The following RGS17 variants were observed in gnomAD, a reference collection of about 807,000 sequenced individuals.
RGS17 encodes the protein regulator of G-protein signaling 17.
RGS17 carries 12 observed loss-of-function variants against 25.5 expected under a neutral mutation model. The ratio of observed to expected loss-of-function variants is 0.47; its 90% CI spans 0.30 to 0.76. The LOEUF (loss-of-function observed/expected upper bound fraction) is 0.76. Among genes scored for constraint, RGS17 ranks in the 30% least tolerant of loss-of-function variants. The pLI is 0.07. For synonymous variants in RGS17, 71 were observed against 76.9 expected (o/e 0.92, Z 0.40); for missense variants, 196 against 242.2 (o/e 0.81, Z 1.27).
intron 1 of RGS17, among the ~76,000 whole-genome samples, chr6:153,063,496 T>G (rs1335374155): frequency 6.6e-6 from 1 of 151,994 alleles, no homozygotes; most frequent in Non-Finnish European, 1.5e-5. Flanking sequence ...AAGAAAGAAT[T>G]AATGAACTTG....
chr6:153,118,713 G>T (rs1480803274), intron 1 of RGS17, among the ~76,000 whole-genome samples: 1 of 148,554 alleles, frequency 6.7e-6, no homozygotes, highest in African/African-American at 2.5e-5. Context: ...TTTGGAAATA[G>T]ATGATGTATA....
chr6:153,068,596 T>C, intron 1 of RGS17, among the ~76,000 whole-genome samples: 1 of 152,026 alleles, frequency 6.6e-6, no homozygotes, highest in South Asian at 2.1e-4. Context: ...GCAAAAATAG[T>C]CAAGAGGGAT....
intron 2 of RGS17, among the ~76,000 whole-genome samples, chr6:153,037,487 G>A (rs954244438): frequency 3.3e-5 from 5 of 150,520 alleles, no homozygotes; most frequent in Admixed American, 6.6e-5. Flanking sequence ...GTGCAGTGGC[G>A]CAATCTTGGC....
chr6:153,099,723 A>G lies in RGS17; in HGVS notation c.-26+31401T>C, dbSNP rs180702483. On this transcript the variant is annotated intron_variant, in intron 1 of 4. Coordinates refer to ENST00000206262, the MANE Select transcript of RGS17 (RefSeq NM_012419.5). ...GCACCATTCATTAGTTCAGTAACTA[A>G]GCGTAAGCAGATTACCTAAATTCTC... is the stretch of plus-strand genomic sequence containing the variant. 3.9e-5 allele frequency among the ~76,000 whole-genome samples: 6 copies of G among 152,308 alleles called. No homozygotes were observed. In the East Asian group the frequency reaches 9.7e-4, roughly 25 times the overall value.
intron 4 of RGS17, among the ~76,000 whole-genome samples, chr6:153,014,196 C>T (rs956620995): frequency 3.9e-5 from 6 of 152,082 alleles, no homozygotes; most frequent in South Asian, 2.1e-4. Flanking sequence ...AATCCTAGAG[C>T]CCTTAAGAAT....
chr6:153,065,246 A>T (rs1403530471), intron 1 of RGS17, among the ~76,000 whole-genome samples: 9 of 152,232 alleles, frequency 5.9e-5, no homozygotes, highest in Admixed American at 2.0e-4. Flanking sequence ...ACAAGAGGAT[A>T]TAACAATTTT....
At chr6:153,067,073 T>C (rs904822371) in intron 1 of RGS17, among the ~76,000 whole-genome samples, 2 of 150,026 alleles carry the variant, frequency 1.3e-5, no homozygotes, top group Admixed American at 6.7e-5. Flanking sequence ...AACATGTCAA[T>C]TGATGCTGAA....
chr6:153,092,275 A>T lies in RGS17; in HGVS notation c.-26+38849T>A, dbSNP rs536002535. Among the ~76,000 whole-genome samples, 21 of 152,334 alleles carry T rather than the reference A, an allele frequency of 1.4e-4. No homozygotes were observed. In the South Asian group the frequency reaches 3.7e-3, roughly 27 times the overall value. On this transcript the variant is annotated intron_variant, in intron 1 of 4. Coordinates refer to ENST00000206262, the MANE Select transcript of RGS17 (RefSeq NM_012419.5). ...CTGTATAAAATGCTGTCATGTTGAT[A>T]TATCTAAACACCAAGGTACAAATTT... is the stretch of plus-strand genomic sequence containing the variant.
rs1429346921 is a variant in RGS17 at position 153,007,475 on chromosome 6, C to A, written c.*4099G>T. 4 of 152,036 alleles carry A rather than the reference C, an allele frequency of 2.6e-5. No individual in the cohort carries two copies. Among genetic ancestry groups the A allele is most frequent in the Non-Finnish European group, 5.9e-5 (4 of 68,008 alleles). The allele number at this position is 152,036 out of a possible 1,614,324, so 9.4% of individuals were successfully genotyped here. On this transcript the variant is annotated 3_prime_UTR_variant, in exon 5 of 5. Transcript: ENST00000206262. Reference sequence around the variant, plus strand: ...AGGCGAAAATATTTTTTGGAAATATCTTTACCATCTTTCAAAATAATTAGG... The same window carrying A: ...AGGCGAAAATATTTTTTGGAAATATATTTACCATCTTTCAAAATAATTAGG...
chr6:153,040,139 C>T (rs770563726), intron 2 of RGS17, among the ~76,000 whole-genome samples: 10 of 151,734 alleles, frequency 6.6e-5, no homozygotes, highest in Non-Finnish European at 1.3e-4. Context: ...TCTTTAATTG[C>T]AAGGGCTATG....
intron 1 of RGS17, among the ~76,000 whole-genome samples, chr6:153,124,058 T>C (rs1307028269): frequency 6.6e-6 from 1 of 152,210 alleles, no homozygotes; most frequent in Non-Finnish European, 1.5e-5. Context: ...AGTCTCTGCT[T>C]AGCAGCTTGC....
intron 1 of RGS17, among the ~76,000 whole-genome samples, chr6:153,063,814 G>A (rs1021284890): frequency 1.2e-4 from 19 of 152,100 alleles, no homozygotes; most frequent in African/African-American, 3.9e-4. Context: ...ATTCCCAAAG[G>A]TCAAGGATGA....
intron 1 of RGS17, among the ~76,000 whole-genome samples, chr6:153,050,782 T>C (rs989278974): frequency 1.3e-5 from 2 of 152,234 alleles, no homozygotes; most frequent in African/African-American, 4.8e-5. Flanking sequence ...CACCTTAAAT[T>C]GGAAACAACC....
rs986339920 is a variant in RGS17, at chr6:153,010,685, T to C, written c.*889A>G. The C allele has an allele frequency of 1.3e-5, 2 of 152,098 alleles. No individual in the cohort carries two copies. The highest frequency in any genetic ancestry group is 4.8e-5 in the African/African-American group (2 of 41,462). The allele number at this position is 152,098 out of a possible 1,614,324, so 9.4% of individuals were successfully genotyped here. On this transcript the variant is annotated 3_prime_UTR_variant, in exon 5 of 5. Coordinates refer to ENST00000206262, the MANE Select transcript of RGS17 (RefSeq NM_012419.5). ...AAGTTATCAAGCTTATTATTATTTTTTTCTTGCTGAAGTACATAACTTTAC... is the reference window on the plus strand; with the variant it reads ...AAGTTATCAAGCTTATTATTATTTTCTTCTTGCTGAAGTACATAACTTTAC...
At chr6:153,110,564 A>G (rs1021778947) in intron 1 of RGS17, among the ~76,000 whole-genome samples, 3 of 152,240 alleles carry the variant, frequency 2.0e-5, no homozygotes, top group Admixed American at 6.5e-5. Context: ...ATGCAATAAT[A>G]GCACAGATAG....
chr6:153,053,137 A>AT (rs1194646305), intron 1 of RGS17, among the ~76,000 whole-genome samples: 5 of 152,178 alleles, frequency 3.3e-5, no homozygotes, highest in African/African-American at 1.2e-4. Flanking sequence ...CAATATTCTC[A>AT]TTTTTCCAGG....
chr6:153,051,357 G>C (rs1776459865), intron 1 of RGS17, among the ~76,000 whole-genome samples: 1 of 152,176 alleles, frequency 6.6e-6, no homozygotes, highest in African/African-American at 2.4e-5. Flanking sequence ...TGTAGAGAAA[G>C]CTTCCATCTT....
rs998005332 is a variant in RGS17, at chr6:153,128,159, C to A, written c.-26+2965G>T. On this transcript the variant is annotated intron_variant, in intron 1 of 4. Coordinates refer to ENST00000206262, the MANE Select transcript of RGS17 (RefSeq NM_012419.5). ...CATAAAAATATATTTGTCTGAGGAC[C>A]CTTGACACTCCCTTGGAAATGTCAT... 2.6e-5 allele frequency among the ~76,000 whole-genome samples: 4 copies of A among 152,118 alleles called. No homozygotes were observed. In the South Asian group the frequency reaches 8.3e-4, roughly 32 times the overall value.
At chr6:153,024,668 T>C (rs183535569) in intron 3 of RGS17, among the ~76,000 whole-genome samples, 172 bp from the exon 4 acceptor site, 8 of 152,302 alleles carry the variant, frequency 5.3e-5, no homozygotes, top group African/African-American at 1.9e-4. Context: ...CAGGACTACG[T>C]CAGTTATTTC....
Sources: gnomAD v4.1 joint callset for allele counts (sites outside exome capture counted in the v4.1 genomes callset) on GRCh38, gnomAD v4.1.1 for gene constraint, MANE v1.5 for transcripts, NCBI Gene and HGNC (gene_info 2026-07-23, HGNC 2026-07-21) for gene names.